The following MAMDC4 variants were observed in gnomAD, a reference collection of about 807,000 sequenced individuals.
The protein encoded by MAMDC4 is apical endosomal glycoprotein.
In MAMDC4, 168 loss-of-function variants were observed where a neutral mutation model predicts 153.3. That is an observed-to-expected ratio of 1.10 (90% confidence interval 0.97 to 1.25). The LOEUF (loss-of-function observed/expected upper bound fraction) is 1.25, where lower values mean the gene tolerates loss of function less well. MAMDC4 is among the 50% of genes most tolerant of loss of function. MAMDC4 has a pLI of 0.00. For synonymous variants in MAMDC4, 744 were observed against 651.5 expected (o/e 1.14, Z -2.16); for missense variants, 1,701 against 1,542.8 (o/e 1.10, Z -1.72).
chr9:136,856,636 C>T (rs762978126), intron 14 of MAMDC4, 74 bp from the exon 15 acceptor site: 15 of 1,454,402 alleles, frequency 1.0e-5, no homozygotes, highest in Non-Finnish European at 1.4e-5. Context: ...CCAGGGACCC[C>T]GGAGCTTCCA....
intron 7 of MAMDC4, 29 bp downstream of exon 7, chr9:136,854,365 G>A: frequency 5.9e-6 from 9 of 1,517,794 alleles, no homozygotes; most frequent in Non-Finnish European, 7.1e-6. Context: ...CCCAGAGTGA[G>A]GCTGGGAGAC....
rs371688887 is a variant in MAMDC4 at position 136,854,696 on chromosome 9, C to T, written c.934+20C>T. 7.1e-5 allele frequency: 115 copies of T among 1,611,088 alleles called. No homozygotes were observed. The highest frequency in any genetic ancestry group is 8.8e-5 in the Non-Finnish European group (104 of 1,179,298). On this transcript the variant is annotated intron_variant, in intron 8 of 26. Transcript: ENST00000317446. ...CACAGGGTGAGGCCCACAGAGGACC[C>T]GGCCCAGGCCCTGCCCACGCAGCCA...
Position 136,858,042 on chromosome 9 carries a change from G to A in MAMDC4, c.2528G>A (p.Gly843Asp), listed in dbSNP as rs1849032321. The change falls in exon 20 of 27, where the codon GGC becomes GAC. Residue 843 changes from glycine (G) to aspartate (D), a missense_variant. By Grantham distance (94) the Gly-to-Asp change is moderately conservative (BLOSUM62 -1). Coordinates refer to ENST00000317446, the MANE Select transcript of MAMDC4 (RefSeq NM_206920.3). ...RHQVLSLSAHGGLAWRLGSMD... is the reference protein window; with the variant it reads ...RHQVLSLSAHDGLAWRLGSMD... ...CAGGTGCTCAGCCTCAGTGCCCACGGCGGGCTTGCCTGGCGCCTGGGCAGC... is the reference window on the plus strand; with the variant it reads ...CAGGTGCTCAGCCTCAGTGCCCACGACGGGCTTGCCTGGCGCCTGGGCAGC... The A allele has an allele frequency of 1.3e-6, 2 of 1,528,676 alleles. No individual in the cohort carries two copies. Among genetic ancestry groups the A allele is most frequent in the South Asian group, 2.4e-5 (2 of 83,526 alleles). The allele number at this position is 1,528,676 out of a possible 1,614,324, so 94.7% of individuals were successfully genotyped here. A position where few individuals can be genotyped will look rare whatever the true frequency, so the allele number is the denominator to read the frequency against.
Position 136,855,361 on chromosome 9 carries a change from ACCCTGCCTTG to A in MAMDC4, c.1282+29_1282+38del, listed in dbSNP as rs1848988932. On this transcript the variant is annotated intron_variant, in intron 11 of 26. Transcript: ENST00000317446. ...CGGGTGAGCCTGCTGACTCTGCCCT[ACCCTGCCTTG>A]CCCTGGAGAGGCACAGCACTCCCCA... 6 of 1,600,242 alleles carry A rather than the reference ACCCTGCCTTG, an allele frequency of 3.7e-6. 1 individual carries two copies. In the African/African-American group the frequency reaches 6.7e-5, roughly 18 times the overall value.
At position 136,858,744 on chromosome 9, in the gene MAMDC4, C is replaced by T. The variant is rs117956653; in HGVS notation, c.2847C>T (p.Gly949=). The change falls in exon 23 of 27, where the codon GGC becomes GGT. Residue 949 remains glycine (G), a synonymous_variant. Coordinates refer to ENST00000317446, the MANE Select transcript of MAMDC4 (RefSeq NM_206920.3). ...EAGHFAFFET[G]VLGPGGRAAW... is the part of the protein sequence containing the mutation. ...GCCACTTTGCCTTCTTTGAAACTGG[C>T]GTGCTGGGCCCCGGGGGCCGGGCCG... The T allele has an allele frequency of 3.4e-4, 553 of 1,611,696 alleles. 1 individual carries two copies. Among genetic ancestry groups the T allele is most frequent in the African/African-American group, 2.1e-3 (154 of 74,980 alleles).
intron 14 of MAMDC4, 119 bp from the exon 15 acceptor site, chr9:136,856,591 C>T (rs576345873): frequency 2.1e-6 from 2 of 952,498 alleles, no homozygotes; most frequent in South Asian, 1.3e-5. Flanking sequence ...TGCTGCCCAT[C>T]CTCACTCCCA....
chr9:136,858,529 C>A lies in MAMDC4; in HGVS notation c.2804C>A (p.Thr935Asn), dbSNP rs1457841434. ...TACCCCCAGCCCCCTGTGGACCACA[C>A]CCTGGGCACAGAGGCAGGTACGTGC... ...SRYPQPPVDH[T>N]LGTEAGHFAF... is the part of the protein sequence containing the mutation. The change falls in exon 22 of 27, where the codon ACC (threonine) becomes AAC (asparagine). Residue 935 changes from threonine (T) to asparagine (N), a missense_variant. Coordinates refer to ENST00000317446, the MANE Select transcript of MAMDC4 (RefSeq NM_206920.3). 3.1e-6 allele frequency: 5 copies of A among 1,587,748 alleles called. No homozygotes were observed. The highest frequency in any genetic ancestry group is 4.3e-6 in the Non-Finnish European group (5 of 1,168,432).
chr9:136,856,134 C>A lies in MAMDC4; in HGVS notation c.1705C>A (p.Gln569Lys). 6.2e-7 allele frequency: 1 copy of A among 1,612,300 alleles called. No homozygotes were observed. Among genetic ancestry groups the A allele is most frequent in the Non-Finnish European group, 8.5e-7 (1 of 1,179,774 alleles). ...SCELHLAYYL[Q>K]SQPREVSCNF... is the part of the protein sequence containing the mutation. ...TGAACTCCACCTGGCTTATTATTTA[C>A]AGAGCCAGCCCCGAGGTACCGCCAC... Residue 569 changes from glutamine to lysine, a missense_variant, in exon 14 of 27, where the codon CAG becomes AAG. Gln to Lys is a moderately conservative substitution (Grantham distance 53). Transcript: ENST00000317446.
chr9:136,853,017 C>A, intron 1 of MAMDC4, 85 bp from the exon 2 acceptor site: 1 of 1,136,554 alleles, frequency 8.8e-7, no homozygotes, highest in Non-Finnish European at 1.3e-6. Flanking sequence ...AAAAGATGTC[C>A]AGTGCTAAAA....
intron 2 of MAMDC4, 27 bp downstream of exon 2, chr9:136,853,236 G>C: frequency 6.2e-7 from 1 of 1,612,424 alleles, no homozygotes; most frequent in African/African-American, 1.3e-5. Context: ...TGGGCGGGCA[G>C]GGCCAGTGCG....
At chr9:136,852,507 G>A in intron 1 of MAMDC4, 45 bp downstream of exon 1, 1 of 1,593,974 alleles carries the variant, frequency 6.3e-7, no homozygotes, top group Non-Finnish European at 8.5e-7. Context: ...AGGGGCCCTG[G>A]CTTCTGAGCC....
intron 1 of MAMDC4, 47 bp downstream of exon 1, chr9:136,852,509 T>C: frequency 6.3e-7 from 1 of 1,594,454 alleles, no homozygotes; most frequent in Non-Finnish European, 8.5e-7. Context: ...GGGCCCTGGC[T>C]TCTGAGCCTA....
chr9:136,852,686 C>T (rs1354395105), intron 1 of MAMDC4, among the ~76,000 whole-genome samples: 1 of 152,202 alleles, frequency 6.6e-6, no homozygotes, highest in Non-Finnish European at 1.5e-5. Context: ...CCCTCCCAGT[C>T]TGGGACAAGA....
rs375821714 is a variant in MAMDC4, at chr9:136,856,150, G to A, written c.1720+1G>A. The A allele has an allele frequency of 2.5e-6, 4 of 1,611,874 alleles. No individual in the cohort carries two copies. Among genetic ancestry groups the A allele is most frequent in the Non-Finnish European group, 3.4e-6 (4 of 1,179,570 alleles). ...TATTATTTACAGAGCCAGCCCCGAG[G>A]TACCGCCACACTCCGCAAGTTCCCT... On this transcript the variant is annotated splice_donor_variant, in intron 14 of 26. Coordinates refer to ENST00000317446, the MANE Select transcript of MAMDC4 (RefSeq NM_206920.3). LOFTEE classifies it high-confidence loss of function.
At position 136,854,520 on chromosome 9, in the gene MAMDC4, C is replaced by G; in HGVS notation, c.797-19C>G. On this transcript the variant is annotated intron_variant, in intron 7 of 26. Coordinates refer to ENST00000317446, the MANE Select transcript of MAMDC4 (RefSeq NM_206920.3). ...GAAGCACTGCCTGGTGGCCCTGACA[C>G]GCCCACCTCCTGCCCTAGGCCGCCA... 6.3e-7 allele frequency: 1 copy of G among 1,594,586 alleles called. No individual in the cohort carries two copies. The highest frequency in any genetic ancestry group is 8.5e-7 in the Non-Finnish European group (1 of 1,171,660).
rs530758666 is a variant in MAMDC4 at position 136,859,411 on chromosome 9, G to C, written c.3193+94G>C. On this transcript the variant is annotated intron_variant, in intron 25 of 26. Coordinates refer to ENST00000317446, the MANE Select transcript of MAMDC4 (RefSeq NM_206920.3). ...GGCTTACCAGTGTGTGGTCCCAGGA[G>C]CTGCGAGCATGCTGCACCCAGACAG... The C allele has an allele frequency of 4.8e-5, 55 of 1,134,952 alleles. No homozygotes were observed. In the South Asian group the frequency reaches 7.6e-4, roughly 16 times the overall value. The allele number at this position is 1,134,952 out of a possible 1,614,324, so 70.3% of individuals were successfully genotyped here.
Position 136,854,590 on chromosome 9 carries a change from C to G in MAMDC4, c.848C>G (p.Ser283Trp). The G allele has an allele frequency of 6.2e-7, 1 of 1,607,530 alleles. No homozygotes were observed. Among genetic ancestry groups the G allele is most frequent in the Non-Finnish European group, 8.5e-7 (1 of 1,177,868 alleles). Residue 283 changes from serine (S) to tryptophan (W), a missense_variant, in exon 8 of 27, where the codon TCG (serine) becomes TGG (tryptophan). Ser to Trp is a radical substitution (Grantham distance 177). Transcript: ENST00000317446. The stretch of plus-strand genomic sequence containing the variant: ...ACAGGCCTGGGCCCATGGAACCGCT[C>G]GGAAGGCTGGTCCCGGAACCACCGC... ...FETGLGPWNR[S>W]EGWSRNHRAG...
At position 136,857,062 on chromosome 9, in the gene MAMDC4, G is replaced by C. The variant is rs541103760; in HGVS notation, c.1972+21G>C. The stretch of plus-strand genomic sequence containing the variant: ...GATTGGTGAGTGGACCTGGAAACAG[G>C]GCAGAGCCTGTGGGGAGGCCCCCGG... On this transcript the variant is annotated intron_variant, in intron 16 of 26. Transcript: ENST00000317446. 44 of 1,606,544 alleles carry C rather than the reference G, an allele frequency of 2.7e-5. No individual in the cohort carries two copies. In the South Asian group the frequency reaches 4.5e-4, roughly 17 times the overall value.
At chr9:136,854,445 T>G (rs7860064) in intron 7 of MAMDC4, 94 bp from the exon 8 acceptor site, 238 of 1,517,174 alleles carry the variant, frequency 1.6e-4, no homozygotes, top group Admixed American at 2.7e-4. Context: ...TGGTCCTTCT[T>G]GGGGTGTGGT....
Sources: allele counts gnomAD v4.1 joint callset (sites outside exome capture counted in the v4.1 genomes callset), GRCh38; gene constraint gnomAD v4.1.1; transcripts MANE v1.5; gene names NCBI Gene and HGNC (gene_info 2026-07-23, HGNC 2026-07-21).